The following LGSN variants were observed in gnomAD, a reference collection of about 807,000 sequenced individuals.
The protein encoded by LGSN is lengsin.
A neutral mutation model predicts 19.5 loss-of-function variants in LGSN; 21 were observed. The ratio of observed to expected loss-of-function variants is 1.07; its 90% confidence interval spans 0.76 to 1.55. The LOEUF (loss-of-function observed/expected upper bound fraction) is 1.55, where lower values mean the gene tolerates loss of function less well. LGSN is among the 40% of genes most tolerant of loss of function. The pLI is 0.00. For synonymous variants in LGSN, 257 were observed against 215.6 expected, an observed-to-expected ratio of 1.19 and a Z score of -1.68; for missense variants, 673 against 608.5, an observed-to-expected ratio of 1.11 and a Z score of -1.12.
chr6:63,403,033 T>A, the LGSN span, among the ~76,000 whole-genome samples: 1 of 151,326 alleles, frequency 6.6e-6, no homozygotes, highest in African/African-American at 2.4e-5. Context: ...AGCCCCACAA[T>A]CACATGAGCC....
the LGSN span, among the ~76,000 whole-genome samples, chr6:63,554,957 T>C: frequency 6.6e-6 from 1 of 152,214 alleles, no homozygotes; most frequent in Non-Finnish European, 1.5e-5. Context: ...CAATTGTGTT[T>C]TTAGCAGCAA....
At chr6:63,546,922 AC>A in the LGSN span, among the ~76,000 whole-genome samples, 4 of 152,216 alleles carry the variant, frequency 2.6e-5, no homozygotes, top group African/African-American at 9.7e-5. Flanking sequence ...ATATATATAA[AC>A]ATCACACAGT....
chr6:63,345,334 C>T, the LGSN span, among the ~76,000 whole-genome samples: 1 of 152,168 alleles, frequency 6.6e-6, no homozygotes, highest in Non-Finnish European at 1.5e-5. Context: ...AATAACCTCA[C>T]ATCTGTGTCA....
the LGSN span, chr6:63,443,514 A>G: frequency 1.7e-6 from 1 of 582,782 alleles, no homozygotes; most frequent in Non-Finnish European, 2.3e-6. Context: ...CAGCGTGAAC[A>G]CCATCTGTGA....
At chr6:63,296,225 A>G (rs1225189914) in intron 1 of LGSN, among the ~76,000 whole-genome samples, 2 of 152,110 alleles carry the variant, frequency 1.3e-5, no homozygotes, top group African/African-American at 2.4e-5. Flanking sequence ...GTAACTTTAA[A>G]GTTTCACTTA....
At chr6:63,332,249 C>T in the LGSN span, among the ~76,000 whole-genome samples, 1 of 152,108 alleles carries the variant, frequency 6.6e-6, no homozygotes. Flanking sequence ...AGAAATCATT[C>T]TTATAGGAGA....
At chr6:63,469,819 C>T in the LGSN span, among the ~76,000 whole-genome samples, 8 of 152,254 alleles carry the variant, frequency 5.3e-5, no homozygotes, top group Admixed American at 2.6e-4. Context: ...CAGGTACAAG[C>T]GATTCTCCTG....
At chr6:63,497,085 C>T in the LGSN span, among the ~76,000 whole-genome samples, 1 of 151,964 alleles carries the variant, frequency 6.6e-6, no homozygotes, top group Non-Finnish European at 1.5e-5. Flanking sequence ...AATCCTCCTG[C>T]CTCAGCCTCC....
the LGSN span, among the ~76,000 whole-genome samples, chr6:63,443,784 G>A: frequency 6.6e-6 from 1 of 152,118 alleles, no homozygotes; most frequent in African/African-American, 2.4e-5. Flanking sequence ...GAAATGGGAG[G>A]TGGTGGGGGA....
the LGSN span, among the ~76,000 whole-genome samples, chr6:63,538,662 G>A: frequency 6.6e-6 from 1 of 152,092 alleles, no homozygotes; most frequent in South Asian, 2.1e-4. Flanking sequence ...TATTTTTTAA[G>A]ATAGCATGAA....
At chr6:63,538,247 C>T in the LGSN span, among the ~76,000 whole-genome samples, 3 of 152,276 alleles carry the variant, frequency 2.0e-5, no homozygotes, top group South Asian at 6.2e-4. Flanking sequence ...TGGAAGCTGG[C>T]ATCAGAGAAA....
the LGSN span, among the ~76,000 whole-genome samples, chr6:63,335,013 G>A: frequency 4.6e-5 from 7 of 151,762 alleles, no homozygotes; most frequent in African/African-American, 7.3e-5. Flanking sequence ...CATGGTGGCA[G>A]GTGCCTGTAA....
At chr6:63,355,721 C>A in the LGSN span, among the ~76,000 whole-genome samples, 1 of 152,204 alleles carries the variant, frequency 6.6e-6, no homozygotes, top group Non-Finnish European at 1.5e-5. Flanking sequence ...TCTTGATGCA[C>A]AGGCTGTTGT....
At chr6:63,334,811 T>C in the LGSN span, among the ~76,000 whole-genome samples, 1 of 152,018 alleles carries the variant, frequency 6.6e-6, no homozygotes, top group Non-Finnish European at 1.5e-5. Context: ...ATCTGCATAC[T>C]TAACGGCCAG....
chr6:63,324,669 T>C (rs1174790702), upstream of LGSN, among the ~76,000 whole-genome samples: 1 of 152,052 alleles, frequency 6.6e-6, no homozygotes, highest in Non-Finnish European at 1.5e-5. Context: ...GAATGGTCAC[T>C]GGGTCAATGA....
chr6:63,400,742 C>A, the LGSN span, among the ~76,000 whole-genome samples: 14 of 152,148 alleles, frequency 9.2e-5, no homozygotes, highest in Non-Finnish European at 1.3e-4. Context: ...GCCTGTAATC[C>A]CAGTACTTTG....
chr6:63,554,231 A>G, the LGSN span, among the ~76,000 whole-genome samples: 4 of 152,224 alleles, frequency 2.6e-5, no homozygotes, highest in East Asian at 5.8e-4. Context: ...ATTCCATTAC[A>G]GTAGGAATTT....
the LGSN span, among the ~76,000 whole-genome samples, chr6:63,370,372 T>A: frequency 1.3e-5 from 2 of 152,076 alleles, no homozygotes; most frequent in Non-Finnish European, 1.5e-5. Flanking sequence ...AAAATAAGAA[T>A]CCCAAAACCT....
the LGSN span, among the ~76,000 whole-genome samples, chr6:63,458,294 C>T: frequency 6.6e-6 from 1 of 151,992 alleles, no homozygotes; most frequent in African/African-American, 2.4e-5. Flanking sequence ...CTCGAATTCC[C>T]GACCTCAGGT....
Sources: allele counts gnomAD v4.1 joint callset (sites outside exome capture counted in the v4.1 genomes callset), GRCh38; gene constraint gnomAD v4.1.1; transcripts MANE v1.5; gene names NCBI Gene and HGNC (gene_info 2026-07-23, HGNC 2026-07-21).